PTH2R: variants seen among roughly 807,000 people sequenced by gnomAD.
PTH2R encodes parathyroid hormone 2 receptor, also known as PTH2 receptor.
In PTH2R, 59 loss-of-function variants were observed where a neutral mutation model predicts 60.3. The observed-to-expected ratio is 0.98, with a 90% CI of 0.79 to 1.22. The LOEUF (loss-of-function observed/expected upper bound fraction) is 1.22. Ranked by LOEUF, PTH2R falls within the 50% of genes most tolerant of loss-of-function variation. The probability of loss-of-function intolerance (pLI) is 0.00; values close to 1 mark genes in which losing one functional copy is unlikely to be tolerated. For synonymous variants in PTH2R, 256 were observed against 243.8 expected, an observed-to-expected ratio of 1.05 and a Z score of -0.47; for missense variants, 749 against 682.6, an observed-to-expected ratio of 1.10 and a Z score of -1.08.
intron 9 of PTH2R, among the ~76,000 whole-genome samples, chr2:208,477,729 A>G (rs1703039431): frequency 6.6e-6 from 1 of 151,976 alleles, no homozygotes; most frequent in South Asian, 2.1e-4. Context: ...AGGTCATGTT[A>G]TTCTAAGCCA....
intron 10 of PTH2R, among the ~76,000 whole-genome samples, chr2:208,488,141 G>A (rs550834940): frequency 9.7e-4 from 147 of 152,272 alleles, no homozygotes; most frequent in African/African-American, 3.4e-3. Flanking sequence ...AGGCAGTTAA[G>A]GAGAATGATG....
intron 7 of PTH2R, among the ~76,000 whole-genome samples, chr2:208,447,438 A>T (rs1702309157): frequency 1.3e-5 from 2 of 152,016 alleles, no homozygotes; most frequent in South Asian, 4.1e-4. Flanking sequence ...AATACAAAAA[A>T]TTAGCCAGAC....
At chr2:208,417,030 C>T (rs1434476234) in intron 1 of PTH2R, among the ~76,000 whole-genome samples, 1 of 152,022 alleles carries the variant, frequency 6.6e-6, no homozygotes, top group East Asian at 1.9e-4. Flanking sequence ...ATGTACCTCT[C>T]AATGAAGATT....
intron 2 of PTH2R, among the ~76,000 whole-genome samples, chr2:208,436,602 G>A (rs761077381): frequency 1.1e-4 from 16 of 152,100 alleles, no homozygotes; most frequent in Middle Eastern, 3.2e-3. Context: ...GCCTGGGCTG[G>A]ATAGAATCTC....
intron 1 of PTH2R, chr2:208,360,929 AG>A: frequency 4.6e-6 from 1 of 219,418 alleles, no homozygotes; most frequent in Non-Finnish European, 9.6e-6. Flanking sequence ...TTGACGTCGC[AG>A]GGGGCATTAG....
chr2:208,371,858 A>G (rs1416673774), intron 1 of PTH2R, among the ~76,000 whole-genome samples: 1 of 146,724 alleles, frequency 6.8e-6, no homozygotes, highest in Middle Eastern at 3.6e-3. Context: ...AACTTTCCTT[A>G]CTTGTTTCCT....
chr2:208,381,195 G>T (rs997653302), intron 1 of PTH2R, among the ~76,000 whole-genome samples: 11 of 151,868 alleles, frequency 7.2e-5, no homozygotes. Flanking sequence ...TAAAATATAT[G>T]TAAAGAACCT....
chr2:208,417,591 C>T (rs929185941), intron 1 of PTH2R, among the ~76,000 whole-genome samples: 7 of 132,902 alleles, frequency 5.3e-5, no homozygotes, highest in African/African-American at 1.1e-4. Flanking sequence ...CTCACCCTCT[C>T]GCCCAGGCTG....
intron 9 of PTH2R, among the ~76,000 whole-genome samples, chr2:208,477,932 C>T (rs985901273): frequency 3.1e-4 from 45 of 144,378 alleles, no homozygotes; most frequent in African/African-American, 1.1e-3. Context: ...CTAGTACTAG[C>T]ACTACTACTA....
Position 208,450,875 on chromosome 2 carries a change from G to T in PTH2R, c.914+66G>T. On this transcript the variant is annotated intron_variant, in intron 8 of 12. Transcript: ENST00000272847. ...TCTCAAGACTCAGGCTTCCTGCTCA[G>T]AATTCACACTCGCTTCTGTTCTTGA... is the stretch of plus-strand genomic sequence containing the variant. 3.9e-6 allele frequency: 6 copies of T among 1,524,740 alleles called. No homozygotes were observed. In the South Asian group the frequency reaches 6.8e-5, roughly 17 times the overall value. The allele number at this position is 1,524,740 out of a possible 1,614,324, so 94.5% of individuals were successfully genotyped here. A position where few individuals can be genotyped will look rare whatever the true frequency, so the allele number is the denominator to read the frequency against.
chr2:208,418,578 T>TA (rs766045400), intron 1 of PTH2R, among the ~76,000 whole-genome samples: 25 of 152,054 alleles, frequency 1.6e-4, no homozygotes, highest in Non-Finnish European at 2.8e-4. Context: ...AGGGAACATT[T>TA]ACTTTGAAAA....
At chr2:208,433,922 T>A (rs1574868534) in intron 2 of PTH2R, among the ~76,000 whole-genome samples, 1 of 152,328 alleles carries the variant, frequency 6.6e-6, no homozygotes, top group East Asian at 1.9e-4. Context: ...TAAAGAGAGA[T>A]GGGGAGCCAT....
chr2:208,492,846 G>C (rs1026590796), intron 12 of PTH2R, among the ~76,000 whole-genome samples: 1 of 152,126 alleles, frequency 6.6e-6, no homozygotes, highest in Non-Finnish European at 1.5e-5. Flanking sequence ...AACCATGCTT[G>C]AGTTTGGGCA....
chr2:208,378,438 T>C (rs1441080815), intron 1 of PTH2R, among the ~76,000 whole-genome samples: 2 of 151,954 alleles, frequency 1.3e-5, no homozygotes, highest in Non-Finnish European at 2.9e-5. Flanking sequence ...TAAGGTAAGA[T>C]TGATAGATGA....
In PTH2R at chr2:208,493,453, A is replaced by G. The variant is rs766861757; in HGVS notation, c.1447A>G (p.Ser483Gly). 5 of 1,610,712 alleles carry G rather than the reference A, an allele frequency of 3.1e-6. No individual in the cohort carries two copies. Among genetic ancestry groups the G allele is most frequent in the South Asian group, 2.2e-5 (2 of 90,480 alleles). The stretch of plus-strand genomic sequence containing the variant: ...CTCTGGCAAAGCTGCCAAGATCGCC[A>G]GCAGACAGCCTGACAGCCACATCAC... ...LISGKAAKIASRQPDSHITLP... is the reference protein window; with the variant it reads ...LISGKAAKIAGRQPDSHITLP... The change falls in exon 13 of 13, where the codon AGC becomes GGC. Residue 483 changes from serine (S) to glycine (G), a missense_variant. Transcript: ENST00000272847.
intron 1 of PTH2R, among the ~76,000 whole-genome samples, chr2:208,416,351 A>G (rs1392483079): frequency 6.6e-6 from 1 of 152,230 alleles, no homozygotes; most frequent in Non-Finnish European, 1.5e-5. Flanking sequence ...TGTAGGAAAT[A>G]TTTGAATATA....
intron 2 of PTH2R, among the ~76,000 whole-genome samples, chr2:208,436,284 G>T (rs1351498915): frequency 9.9e-6 from 1 of 101,152 alleles, no homozygotes; most frequent in African/African-American, 2.6e-5. Flanking sequence ...ATATGAAGGA[G>T]GTAAGGGAAT....
chr2:208,463,209 G>A (rs986158127), intron 9 of PTH2R, among the ~76,000 whole-genome samples: 3 of 151,994 alleles, frequency 2.0e-5, no homozygotes, highest in African/African-American at 7.2e-5. Flanking sequence ...TCTCCCTCCT[G>A]CTGCCTCAGC....
upstream of PTH2R, among the ~76,000 whole-genome samples, chr2:208,403,873 G>A (rs956004359): frequency 7.2e-5 from 11 of 152,156 alleles, no homozygotes; most frequent in East Asian, 3.8e-4. Context: ...CTCTATGGGC[G>A]TCTCAGACTT....
Sources: allele counts gnomAD v4.1 joint callset (sites outside exome capture counted in the v4.1 genomes callset), GRCh38; gene constraint gnomAD v4.1.1; transcripts MANE v1.5; gene names NCBI Gene and HGNC (gene_info 2026-07-23, HGNC 2026-07-21).